Variants in PDE4D observed in about 807,000 individuals in gnomAD.
The protein encoded by PDE4D is 3',5'-cyclic-AMP phosphodiesterase 4D.
Under a neutral mutation model 87.4 loss-of-function variants are expected in PDE4D, and 24 were observed. The ratio of observed to expected loss-of-function variants is 0.27; its 90% CI spans 0.20 to 0.39. The LOEUF is 0.39. PDE4D is among the 10% of genes least tolerant of loss of function. PDE4D has a pLI of 1.00. For synonymous variants in PDE4D, 384 were observed against 383.2 expected (o/e 1.00, Z -0.02); for missense variants, 714 against 1,041.0 (o/e 0.69, Z 4.32).
At chr5:59,124,001 A>G (rs973832050) in intron 5 of PDE4D, among the ~76,000 whole-genome samples, 1 of 152,214 alleles carries the variant, frequency 6.6e-6, no homozygotes, top group African/African-American at 2.4e-5. Context: ...TAATATTTCT[A>G]CAACTGTCAA....
rs181355974 is a variant in PDE4D, at chr5:60,149,542, C to G, written c.42+36015G>C. On this transcript the variant is annotated intron_variant, in intron 2 of 16. Transcript: ENST00000502484. ...CCATAGCAAACATAGACACTCTGCT[C>G]CAGCCTACTAGCTACTTTTACTGAG... Among the ~76,000 whole-genome samples the G allele has an allele frequency of 4.2e-3, 644 of 152,240 alleles. 3 individuals are homozygous for G. The highest frequency in any genetic ancestry group is 5.8e-3 in the Non-Finnish European group (396 of 68,016).
chr5:60,145,876 G>C (rs1026634246), intron 2 of PDE4D, among the ~76,000 whole-genome samples: 1 of 152,092 alleles, frequency 6.6e-6, no homozygotes, highest in African/African-American at 2.4e-5. Flanking sequence ...TTTGTTCATA[G>C]GTATCTTGTG....
chr5:59,487,779 G>A (rs1394078721), intron 1 of PDE4D, among the ~76,000 whole-genome samples: 2 of 152,096 alleles, frequency 1.3e-5, no homozygotes, highest in Non-Finnish European at 2.9e-5. Flanking sequence ...GTGAAATCTG[G>A]TGAGTTACAG....
At chr5:59,863,435 A>G (rs981536226) in intron 1 of PDE4D, among the ~76,000 whole-genome samples, 4 of 152,174 alleles carry the variant, frequency 2.6e-5, no homozygotes, top group African/African-American at 7.2e-5. Context: ...ATGATTTTCT[A>G]TAGTCCTAAA....
chr5:59,312,081 C>T (rs1561934849), intron 1 of PDE4D, among the ~76,000 whole-genome samples: 3 of 152,140 alleles, frequency 2.0e-5, no homozygotes, highest in African/African-American at 4.8e-5. Context: ...CACTTTACAC[C>T]GGGCTCCTTA....
rs529620670 is a variant in PDE4D at position 59,856,649 on chromosome 5, G to A, written c.455+36519C>T. Among the ~76,000 whole-genome samples the A allele has an allele frequency of 3.3e-5, 5 of 152,258 alleles. No individual in the cohort carries two copies. The South Asian group carries it at 1.0e-3, about 32-fold the overall frequency. On this transcript the variant is annotated intron_variant, in intron 1 of 14. Coordinates refer to ENST00000340635, the MANE Select transcript of PDE4D (RefSeq NM_001104631.2). The stretch of plus-strand genomic sequence containing the variant: ...ATTTTGCATTTAATTTGCATAATGT[G>A]TCAAAGAAAGAAAATAATGGATCTG...
At chr5:60,329,383 T>A (rs984732054) in intron 1 of PDE4D, among the ~76,000 whole-genome samples, 4 of 152,182 alleles carry the variant, frequency 2.6e-5, no homozygotes, top group Non-Finnish European at 4.4e-5. Context: ...ACATGTTTGC[T>A]TCCCCTTCCA....
intron 2 of PDE4D, among the ~76,000 whole-genome samples, chr5:60,149,650 A>G (rs1781317926): frequency 6.6e-6 from 1 of 151,912 alleles, no homozygotes; most frequent in South Asian, 2.1e-4. Flanking sequence ...GCCATTTAGA[A>G]TTTCAGTAGA....
At chr5:60,333,641 T>C (rs1757493853) in intron 1 of PDE4D, among the ~76,000 whole-genome samples, 1 of 152,200 alleles carries the variant, frequency 6.6e-6, no homozygotes. Context: ...ACTACTCTAT[T>C]TCTGCTACAT....
intron 1 of PDE4D, among the ~76,000 whole-genome samples, chr5:60,202,513 T>A (rs984687522): frequency 1.3e-5 from 2 of 152,062 alleles, no homozygotes; most frequent in African/African-American, 2.4e-5. Flanking sequence ...TATCAAAAAA[T>A]TTTAATATAC....
At chr5:59,614,616 C>A (rs1350036435) in intron 1 of PDE4D, among the ~76,000 whole-genome samples, 1 of 152,086 alleles carries the variant, frequency 6.6e-6, no homozygotes, top group Non-Finnish European at 1.5e-5. Context: ...ATCCTGTTTA[C>A]CTAATCAGAC....
intron 1 of PDE4D, among the ~76,000 whole-genome samples, chr5:59,515,285 T>C (rs1810962376): frequency 6.6e-6 from 1 of 152,208 alleles, no homozygotes; most frequent in Admixed American, 6.5e-5. Flanking sequence ...TTTGAAAGCA[T>C]TGCTTTTTTT....
At chr5:60,276,364 T>C (rs1386054867) in intron 1 of PDE4D, among the ~76,000 whole-genome samples, 1 of 152,238 alleles carries the variant, frequency 6.6e-6, no homozygotes, top group Non-Finnish European at 1.5e-5. Flanking sequence ...CCTTTTACCA[T>C]GCCTAATTAA....
intron 1 of PDE4D, among the ~76,000 whole-genome samples, chr5:60,269,365 G>A (rs933504828): frequency 2.0e-5 from 3 of 152,120 alleles, no homozygotes; most frequent in Admixed American, 6.5e-5. Context: ...ATGGTATTAG[G>A]CTCTGCTACA....
chr5:60,203,854 A>G (rs1392090944), intron 1 of PDE4D, among the ~76,000 whole-genome samples: 3 of 152,222 alleles, frequency 2.0e-5, no homozygotes, highest in Admixed American at 1.3e-4. Flanking sequence ...ATAATTATAG[A>G]AATTCAAACT....
At chr5:59,511,345 AAAGT>A (rs1582921983) in intron 1 of PDE4D, among the ~76,000 whole-genome samples, 1 of 152,124 alleles carries the variant, frequency 6.6e-6, no homozygotes, top group African/African-American at 2.4e-5. Flanking sequence ...TGTGGTTTAG[AAAGT>A]AAGATAAAAA....
chr5:60,045,446 G>A (rs574090875), intron 2 of PDE4D, among the ~76,000 whole-genome samples: 2 of 152,320 alleles, frequency 1.3e-5, no homozygotes, highest in African/African-American at 4.8e-5. Flanking sequence ...CCATGCCTAT[G>A]TCCTGAATGG....
chr5:59,728,069 C>A (rs1394712544), intron 1 of PDE4D, among the ~76,000 whole-genome samples: 1 of 152,030 alleles, frequency 6.6e-6, no homozygotes, highest in Non-Finnish European at 1.5e-5. Flanking sequence ...CAGTAGCACC[C>A]AGTTTTGTAG....
At chr5:59,498,203 T>A (rs188302814) in intron 1 of PDE4D, among the ~76,000 whole-genome samples, 82 of 151,620 alleles carry the variant, frequency 5.4e-4, no homozygotes, top group Admixed American at 1.6e-3. Flanking sequence ...AAGGAAAGGA[T>A]GATCCTTGTT....
Sources: allele counts gnomAD v4.1 joint callset (sites outside exome capture counted in the v4.1 genomes callset), GRCh38; gene constraint gnomAD v4.1.1; transcripts MANE v1.5; gene names NCBI Gene and HGNC (gene_info 2026-07-23, HGNC 2026-07-21).